The following FAM13B variants were observed in gnomAD, a reference collection of about 807,000 sequenced individuals.
FAM13B encodes the protein protein FAM13B.
A neutral mutation model predicts 117.3 loss-of-function variants in FAM13B; 60 were observed. The observed-to-expected ratio is 0.51, with a 90% confidence interval of 0.42 to 0.63. The LOEUF is 0.63. Ranked by LOEUF, FAM13B falls within the 30% of genes least tolerant of loss-of-function variation. FAM13B has a pLI of 0.00. For missense variants in FAM13B, 972 were observed against 1,091.9 expected, an observed-to-expected ratio of 0.89 and a Z score of 1.55; for synonymous variants, 332 against 356.1, an observed-to-expected ratio of 0.93 and a Z score of 0.76.
intron 6 of FAM13B, among the ~76,000 whole-genome samples, chr5:138,009,701 AG>A (rs2150876948): frequency 6.8e-6 from 1 of 146,202 alleles, no homozygotes; most frequent in East Asian, 2.2e-4. Flanking sequence ...GCTACTCGAG[AG>A]GCTGGGGCAG....
Position 138,019,039 on chromosome 5 carries a change from G to A in FAM13B, c.73C>T (p.Leu25Phe). 4 of 1,614,072 alleles carry A rather than the reference G, an allele frequency of 2.5e-6. No individual in the cohort carries two copies. The highest frequency in any genetic ancestry group is 2.2e-5 in the South Asian group (2 of 91,086). The change falls in exon 3 of 24, where the codon CTT (leucine) becomes TTT (phenylalanine). Residue 25 changes from leucine (L) to phenylalanine (F), a missense_variant. Transcript: ENST00000689681. ...VLANKIFGIP[L>F]DELQQGGHPD... ...TGTCCTCCCTGCTGCAGCTCATCAA[G>A]TGGAATTCCAAATATTTTGTTAGCA...
intron 4 of FAM13B, among the ~76,000 whole-genome samples, chr5:138,016,848 A>G (rs1241537812): frequency 6.6e-6 from 1 of 152,216 alleles, no homozygotes; most frequent in Admixed American, 6.5e-5. Context: ...CAGAGGGAAC[A>G]TGGAAACCTA....
chr5:138,009,280 G>A (rs1783339762), intron 6 of FAM13B, among the ~76,000 whole-genome samples: 1 of 152,190 alleles, frequency 6.6e-6, no homozygotes, highest in Admixed American at 6.5e-5. Context: ...TAATGCTAAT[G>A]AAAAGGACTG....
chr5:138,017,333 G>A (rs146005413), intron 4 of FAM13B, among the ~76,000 whole-genome samples: 3 of 152,148 alleles, frequency 2.0e-5, no homozygotes, highest in East Asian at 1.9e-4. Flanking sequence ...AAACACTTTC[G>A]AAAGAAAATA....
chr5:138,004,480 G>C (rs6870902), intron 7 of FAM13B, among the ~76,000 whole-genome samples: 1,829 of 152,278 alleles, frequency 0.012, 34 homozygotes, highest in African/African-American at 0.042. Context: ...ATTCTACAAT[G>C]ATAGAAATGT....
intron 10 of FAM13B, among the ~76,000 whole-genome samples, chr5:137,980,105 G>A (rs1374351900): frequency 4.6e-5 from 7 of 151,316 alleles, no homozygotes; most frequent in African/African-American, 7.3e-5. Flanking sequence ...CCTAGGAGAC[G>A]GAGGTTGCAC....
rs761299794 is a variant in FAM13B at position 138,018,347 on chromosome 5, C to T, written c.325G>A (p.Val109Ile). 14 of 1,614,014 alleles carry T rather than the reference C, an allele frequency of 8.7e-6. No homozygotes were observed. ...TGAATATGTAAACTGCCAGGGATAA[C>T]AGGTTCAGGAAGTTCTTGAAGAAAA... is the stretch of plus-strand genomic sequence containing the variant. Reference protein sequence around the residue: ...RFFLQELPEPVIPGSLHIHLM... With the variant: ...RFFLQELPEPIIPGSLHIHLM... The change falls in exon 4 of 24, where the codon GTT becomes ATT. Residue 109 changes from valine to isoleucine, a missense_variant. Physicochemically the swap from Val to Ile is conservative, Grantham distance 29. Coordinates refer to ENST00000689681, the MANE Select transcript of FAM13B (RefSeq NM_001385994.1).
intron 10 of FAM13B, among the ~76,000 whole-genome samples, chr5:137,964,392 A>C (rs143378293): frequency 0.012 from 1,727 of 149,906 alleles, 28 homozygotes; most frequent in African/African-American, 0.04. Context: ...GATTACAGGC[A>C]TGAGCCACTG....
At chr5:137,991,157 T>C (rs1030851079) in intron 7 of FAM13B, among the ~76,000 whole-genome samples, 3 of 152,202 alleles carry the variant, frequency 2.0e-5, no homozygotes, top group Non-Finnish European at 4.4e-5. Flanking sequence ...AGAACACCTA[T>C]AGCCCCAACA....
intron 1 of FAM13B, among the ~76,000 whole-genome samples, chr5:138,028,591 C>T (rs909908079): frequency 5.3e-5 from 8 of 152,232 alleles, no homozygotes; most frequent in African/African-American, 1.7e-4. Flanking sequence ...CCATAAAATA[C>T]GCAAAAAATG....
intron 2 of FAM13B, 110 bp downstream of exon 2, chr5:138,020,921 A>T (rs1306157168): frequency 1.6e-6 from 1 of 613,640 alleles, no homozygotes; most frequent in Non-Finnish European, 2.3e-6. Flanking sequence ...ATCTGGTGCC[A>T]GCTAAGAACT....
rs141387361 is a variant in FAM13B at position 137,988,627 on chromosome 5, G to A, written c.849-312C>T. Among the ~76,000 whole-genome samples the A allele has an allele frequency of 1.2e-4, 19 of 152,258 alleles. No homozygotes were observed. In the East Asian group the frequency reaches 3.7e-3, roughly 29 times the overall value. ...TCATTTAATAACTTTCAATACCCAAGGAGTTACAATTATTTCCCCCTTTCC... is the reference window on the plus strand; with the variant it reads ...TCATTTAATAACTTTCAATACCCAAAGAGTTACAATTATTTCCCCCTTTCC... On this transcript the variant is annotated intron_variant, in intron 7 of 23. Transcript: ENST00000689681.
In FAM13B at chr5:137,938,029, A is replaced by G. The variant is rs928181087; in HGVS notation, c.*2196T>C. 1 of 152,124 alleles carries G rather than the reference A, an allele frequency of 6.6e-6. No homozygotes were observed. The highest frequency in any genetic ancestry group is 1.5e-5 in the Non-Finnish European group (1 of 68,036). The allele number at this position is 152,124 out of a possible 1,614,324, so 9.4% of individuals were successfully genotyped here. A position where few individuals can be genotyped will look rare whatever the true frequency, so the allele number is the denominator to read the frequency against. On this transcript the variant is annotated 3_prime_UTR_variant, in exon 24 of 24. Transcript: ENST00000689681. Reference sequence around the variant, plus strand: ...GTGCCAGACACAGCAATGCCATTATACTGGTGGACATATATATCTATATAT... The same window carrying G: ...GTGCCAGACACAGCAATGCCATTATGCTGGTGGACATATATATCTATATAT...
rs1760718711 is a variant in FAM13B, at chr5:137,938,229, T to C, written c.*1996A>G. 1 of 152,574 alleles carries C rather than the reference T, an allele frequency of 6.6e-6. No individual in the cohort carries two copies. Among genetic ancestry groups the C allele is most frequent in the Admixed American group, 6.5e-5 (1 of 15,274 alleles). The allele number at this position is 152,574 out of a possible 1,614,324, so 9.5% of individuals were successfully genotyped here. A position where few individuals can be genotyped will look rare whatever the true frequency, so the allele number is the denominator to read the frequency against. ...CCAAACATTAACATTGAATAACATA[T>C]TGAAGCAGCTGTTAATTCTAAAATG... On this transcript the variant is annotated 3_prime_UTR_variant, in exon 24 of 24. Transcript: ENST00000689681.
chr5:138,016,849 T>C (rs868636188), intron 4 of FAM13B, among the ~76,000 whole-genome samples: 2 of 152,184 alleles, frequency 1.3e-5, no homozygotes, highest in Non-Finnish European at 2.9e-5. Context: ...AGAGGGAACA[T>C]GGAAACCTAT....
intron 16 of FAM13B, 55 bp downstream of exon 16, chr5:137,953,281 T>A (rs1765542187): frequency 6.3e-7 from 1 of 1,582,506 alleles, no homozygotes; most frequent in East Asian, 2.2e-5. Context: ...TGAAAAACTA[T>A]CCTCTCAGTT....
chr5:137,986,645 C>T (rs1247913036), intron 9 of FAM13B, among the ~76,000 whole-genome samples: 1 of 152,126 alleles, frequency 6.6e-6, no homozygotes, highest in Non-Finnish European at 1.5e-5. Context: ...GTTGATTATT[C>T]CTTGTCGGAA....
intron 13 of FAM13B, among the ~76,000 whole-genome samples, chr5:137,958,817 TA>T (rs1767303611): frequency 6.6e-6 from 1 of 152,214 alleles, no homozygotes; most frequent in Non-Finnish European, 1.5e-5. Flanking sequence ...AATCTACCAT[TA>T]ACATTCTACT....
chr5:137,942,848 G>A (rs1276738246), intron 22 of FAM13B, 27 bp downstream of exon 22: 9 of 1,570,114 alleles, frequency 5.7e-6, no homozygotes, highest in Non-Finnish European at 6.9e-6. Flanking sequence ...ATAAAAATAG[G>A]CTAAAATCAC....
Sources: gnomAD v4.1 joint callset for allele counts (sites outside exome capture counted in the v4.1 genomes callset) on GRCh38, gnomAD v4.1.1 for gene constraint, MANE v1.5 for transcripts, NCBI Gene and HGNC (gene_info 2026-07-23, HGNC 2026-07-21) for gene names.